VWDE: variants seen among roughly 807,000 people sequenced by gnomAD.
The protein encoded by VWDE is von Willebrand factor D and EGF domain-containing protein.
Under a neutral mutation model 178.4 loss-of-function variants are expected in VWDE, and 207 were observed. The observed-to-expected ratio is 1.16, with a 90% CI of 1.04 to 1.30. The LOEUF is 1.30. Ranked by LOEUF, VWDE falls within the 50% of genes most tolerant of loss-of-function variation. The pLI is 0.00. For missense variants in VWDE, 2,287 were observed against 1,901.3 expected, an observed-to-expected ratio of 1.20 and a Z score of -3.77; for synonymous variants, 738 against 651.4, an observed-to-expected ratio of 1.13 and a Z score of -2.02.
chr7:12,331,088 A>T lies in VWDE; in HGVS notation c.*95T>A. The T allele has an allele frequency of 2.2e-6, 2 of 904,824 alleles. No individual in the cohort carries two copies. Among genetic ancestry groups the T allele is most frequent in the Non-Finnish European group, 1.7e-6 (1 of 594,930 alleles). The allele number at this position is 904,824 out of a possible 1,614,324, so 56.0% of individuals were successfully genotyped here. On this transcript the variant is annotated 3_prime_UTR_variant, in exon 29 of 29. Transcript: ENST00000275358. ...CAGTCTTTAAGATATTTTTTGAATG[A>T]TGTTCAAATAAACTCCAAGTTATCT...
At chr7:12,345,906 G>A (rs1781573338) in intron 19 of VWDE, among the ~76,000 whole-genome samples, 1 of 152,118 alleles carries the variant, frequency 6.6e-6, no homozygotes, top group African/African-American at 2.4e-5. Context: ...GGGAGTAGGA[G>A]TAAATCTTGT....
chr7:12,384,387 G>T lies in VWDE; in HGVS notation c.476-786C>A, dbSNP rs148628938. On this transcript the variant is annotated intron_variant, in intron 3 of 28. Coordinates refer to ENST00000275358, the MANE Select transcript of VWDE (RefSeq NM_001135924.3). ...AGGCAGAGCATAGGCAATTTTTAGGGTAGTGAAACTAGTCTGTATGTTCCT... is the reference window on the plus strand; with the variant it reads ...AGGCAGAGCATAGGCAATTTTTAGGTTAGTGAAACTAGTCTGTATGTTCCT... 3.3e-5 allele frequency among the ~76,000 whole-genome samples: 5 copies of T among 152,134 alleles called. No homozygotes were observed. The East Asian group carries it at 9.7e-4, about 29-fold the overall frequency.
At chr7:12,391,874 C>T (rs1462444512) in intron 2 of VWDE, among the ~76,000 whole-genome samples, 5 of 151,992 alleles carry the variant, frequency 3.3e-5, no homozygotes, top group Non-Finnish European at 7.4e-5. Context: ...CTCCAGGGGC[C>T]AATGGTAGTT....
chr7:12,392,586 T>C (rs1216240138), intron 2 of VWDE, among the ~76,000 whole-genome samples: 3 of 152,098 alleles, frequency 2.0e-5, no homozygotes, highest in Admixed American at 6.6e-5. Flanking sequence ...AAATTCAGAG[T>C]GGCTTGGATA....
At chr7:12,363,685 A>C (rs1308649985) in intron 13 of VWDE, among the ~76,000 whole-genome samples, 1 of 148,752 alleles carries the variant, frequency 6.7e-6, no homozygotes, top group African/African-American at 2.4e-5. Context: ...GAAAAGAAGG[A>C]GTGATGGAAA....
chr7:12,401,564 G>GC (rs1456489853), intron 1 of VWDE, among the ~76,000 whole-genome samples: 3 of 152,096 alleles, frequency 2.0e-5, no homozygotes, highest in Non-Finnish European at 4.4e-5. Flanking sequence ...TTAGCCATTA[G>GC]GAAAATGACA....
intron 2 of VWDE, 145 bp from the exon 3 acceptor site, chr7:12,389,503 G>A: frequency 5.0e-6 from 3 of 603,198 alleles, no homozygotes; most frequent in Non-Finnish European, 8.7e-6. Context: ...TCTATACAAG[G>A]AAAAGTAGTT....
intron 1 of VWDE, among the ~76,000 whole-genome samples, chr7:12,396,803 T>G (rs1391865772): frequency 6.6e-6 from 1 of 150,524 alleles, no homozygotes; most frequent in Non-Finnish European, 1.5e-5. Context: ...GGTGTTGTGG[T>G]GCATGCCTGT....
chr7:12,370,319 G>A lies in VWDE; in HGVS notation c.1987C>T (p.Pro663Ser). The change falls in exon 12 of 29, where the codon CCA (proline) becomes TCA (serine). Residue 663 changes from proline to serine, a missense_variant. By Grantham distance (74) the Pro-to-Ser change is moderately conservative. Coordinates refer to ENST00000275358, the MANE Select transcript of VWDE (RefSeq NM_001135924.3). ...TATTCGGAGGTGACATCTAGTTCTGGTATCAAAGAAGATAAGCTGACATGA... is the reference window on the plus strand; with the variant it reads ...TATTCGGAGGTGACATCTAGTTCTGATATCAAAGAAGATAAGCTGACATGA... ...LNHVSLSSLI[P>S]ELDVTSEYIN... The A allele has an allele frequency of 1.9e-6, 3 of 1,551,150 alleles. No homozygotes were observed. Among genetic ancestry groups the A allele is most frequent in the East Asian group, 2.4e-5 (1 of 40,892 alleles).
intron 6 of VWDE, among the ~76,000 whole-genome samples, chr7:12,378,642 C>G (rs745753066): frequency 1.3e-5 from 2 of 152,144 alleles, no homozygotes; most frequent in Non-Finnish European, 2.9e-5. Context: ...CTGCTGAGTG[C>G]TAACCAATGT....
chr7:12,345,629 T>A (rs536464214), intron 19 of VWDE, among the ~76,000 whole-genome samples: 2 of 152,278 alleles, frequency 1.3e-5, no homozygotes, highest in South Asian at 4.1e-4. Flanking sequence ...GAATATACCC[T>A]CCTGTCTCTG....
chr7:12,350,486 G>T (rs1475468784), intron 19 of VWDE, among the ~76,000 whole-genome samples: 1 of 151,986 alleles, frequency 6.6e-6, no homozygotes, highest in Admixed American at 6.6e-5. Context: ...ACTAATAAAA[G>T]GAAAATTCAT....
At chr7:12,358,192 C>T (rs372704500) in intron 16 of VWDE, among the ~76,000 whole-genome samples, 1 of 152,094 alleles carries the variant, frequency 6.6e-6, no homozygotes, top group Admixed American at 6.6e-5. Context: ...GCCTGGCCAA[C>T]ATGGTGAAAC....
chr7:12,342,511 A>C (rs2128546937), intron 22 of VWDE, among the ~76,000 whole-genome samples: 1 of 152,254 alleles, frequency 6.6e-6, no homozygotes, highest in South Asian at 2.1e-4. Context: ...TCTCAAAGAA[A>C]GACCATGAAT....
At chr7:12,344,638 AG>A (rs1781506393) in intron 19 of VWDE, among the ~76,000 whole-genome samples, 169 bp from the exon 20 acceptor site, 1 of 152,302 alleles carries the variant, frequency 6.6e-6, no homozygotes, top group East Asian at 1.9e-4. Flanking sequence ...CTCTTGCTTA[AG>A]TTTAGTCTCA....
chr7:12,342,221 T>C, intron 22 of VWDE, 67 bp from the exon 23 acceptor site: 1 of 1,274,560 alleles, frequency 7.8e-7, no homozygotes, highest in Non-Finnish European at 1.1e-6. Flanking sequence ...GGTTATTATC[T>C]AGCTAGCTCA....
Position 12,337,102 on chromosome 7 carries a change from A to AAAGTCAGCCCTT in VWDE, c.4463-31_4463-20dup. On this transcript the variant is annotated intron_variant, in intron 25 of 28. Transcript: ENST00000275358. ...CAGATGCCTTAAGGTAAAAGCATGA[A>AAAGTCAGCCCTT]AAGTCAGCCCTTAAATTCAACAGTT... The AAAGTCAGCCCTT allele has an allele frequency of 6.4e-7, 1 of 1,551,574 alleles. No homozygotes were observed. Among genetic ancestry groups the AAAGTCAGCCCTT allele is most frequent in the Non-Finnish European group, 8.7e-7 (1 of 1,146,858 alleles).
At chr7:12,382,164 G>A in intron 4 of VWDE, among the ~76,000 whole-genome samples, 1 of 151,608 alleles carries the variant, frequency 6.6e-6, no homozygotes, top group East Asian at 1.9e-4. Context: ...CCCAAATTGT[G>A]TGCAATTTGC....
At chr7:12,368,695 T>C (rs1365128318) in intron 12 of VWDE, among the ~76,000 whole-genome samples, 1 of 152,164 alleles carries the variant, frequency 6.6e-6, no homozygotes, top group African/African-American at 2.4e-5. Context: ...AGGAGCAATA[T>C]GATCTCACTC....
Sources: allele counts gnomAD v4.1 joint callset (sites outside exome capture counted in the v4.1 genomes callset), GRCh38; gene constraint gnomAD v4.1.1; transcripts MANE v1.5; gene names NCBI Gene and HGNC (gene_info 2026-07-23, HGNC 2026-07-21).